The following NOM1 variants were observed in gnomAD, a reference collection of about 807,000 sequenced individuals.
NOM1 encodes the protein nucleolar MIF4G domain-containing protein 1.
Under a neutral mutation model 73.3 loss-of-function variants are expected in NOM1, and 58 were observed. The observed-to-expected ratio is 0.79, with a 90% CI of 0.64 to 0.99. The LOEUF (loss-of-function observed/expected upper bound fraction) is 0.99. Among genes scored for constraint, NOM1 ranks in the 50% least tolerant of loss-of-function variants. The pLI, the probability that NOM1 is intolerant of heterozygous loss-of-function variation, is 0.00. For synonymous variants in NOM1, 487 were observed against 446.8 expected, an observed-to-expected ratio of 1.09 and a Z score of -1.14; for missense variants, 1,226 against 1,131.9, an observed-to-expected ratio of 1.08 and a Z score of -1.19.
Position 156,966,345 on chromosome 7 carries a change from C to A in NOM1, c.2109C>A (p.Tyr703Ter), listed in dbSNP as rs142857972. 5 of 1,614,220 alleles carry A rather than the reference C, an allele frequency of 3.1e-6. No individual in the cohort carries two copies. The highest frequency in any genetic ancestry group is 2.2e-5 in the East Asian group (1 of 44,892). ...LMDCCLQEKT[Y>*]NPFYAFLASK... ...ATTGCTGCCTTCAAGAGAAAACTTA[C>A]AATCCCTTCTATGCTTTCCTGGCTA... is the stretch of plus-strand genomic sequence containing the variant. The change falls in exon 8 of 11, where the codon TAC becomes TAA. Residue 703 changes from tyrosine to a stop codon, truncating the protein, a stop_gained. Coordinates refer to ENST00000275820, the MANE Select transcript of NOM1 (RefSeq NM_138400.2). LOFTEE classifies it high-confidence loss of function.
rs2134802561 is a variant in NOM1 at position 156,969,691 on chromosome 7, C to T, written c.2571C>T (p.Ser857=). ...CGAAGTGTCTGCAAGGAAAAGCTTC[C>T]CTGAGAATGTAGTCAGGGAAGGAAG... ...LATKCLQGKA[S]LRM The change falls in exon 11 of 11, where the codon TCC becomes TCT. Residue 857 remains serine, a synonymous_variant. Coordinates refer to ENST00000275820, the MANE Select transcript of NOM1 (RefSeq NM_138400.2). The T allele has an allele frequency of 1.2e-6, 2 of 1,609,094 alleles. No homozygotes were observed. The highest frequency in any genetic ancestry group is 2.2e-5 in the East Asian group (1 of 44,762).
chr7:156,950,489 T>TA lies in NOM1; in HGVS notation c.753dup (p.Glu252ArgfsTer3). ...GGACAGACACTCCCCGAAAGTGACTTAGAGAGTGACTCCCAGGACGAAAGT... is the reference window on the plus strand; with the variant it reads ...GGACAGACACTCCCCGAAAGTGACTTAAGAGAGTGACTCCCAGGACGAAAGT... On this transcript the variant is annotated frameshift_variant, in exon 1 of 11. Transcript: ENST00000275820. LOFTEE classifies it high-confidence loss of function. 1 of 1,613,524 alleles carries TA rather than the reference T, an allele frequency of 6.2e-7. No homozygotes were observed. The highest frequency in any genetic ancestry group is 8.5e-7 in the Non-Finnish European group (1 of 1,179,824).
At chr7:156,962,021 G>T in intron 4 of NOM1, 130 bp from the exon 5 acceptor site, 1 of 727,212 alleles carries the variant, frequency 1.4e-6, no homozygotes, top group South Asian at 1.6e-5. Flanking sequence ...TCTACCTAAA[G>T]GCTGTCCTGA....
chr7:156,950,342 AC>A lies in NOM1; in HGVS notation c.606del (p.Asp202GlufsTer8), dbSNP rs771116665. The A allele has an allele frequency of 6.2e-7, 1 of 1,613,892 alleles. No homozygotes were observed. Among genetic ancestry groups the A allele is most frequent in the African/African-American group, 1.3e-5 (1 of 74,866 alleles). On this transcript the variant is annotated frameshift_variant, in exon 1 of 11. Coordinates refer to ENST00000275820, the MANE Select transcript of NOM1 (RefSeq NM_138400.2). LOFTEE classifies it high-confidence loss of function. ...CLGLNKRKKK[D>X]GSSSVPLSFA... ...GGTTTGAACAAGCGCAAAAAGAAGG[AC>A]GGCAGCAGCTCCGTGCCGCTGAGCT...
chr7:156,963,276 G>T (rs1422556037), intron 6 of NOM1, 101 bp downstream of exon 6: 4 of 1,245,406 alleles, frequency 3.2e-6, no homozygotes, highest in Non-Finnish European at 4.6e-6. Context: ...TTCTTGAATG[G>T]TCACTGAAAT....
Position 156,966,995 on chromosome 7 carries a change from G to A in NOM1, c.2201G>A (p.Arg734Gln), listed in dbSNP as rs781764928. The A allele has an allele frequency of 5.6e-6, 9 of 1,612,840 alleles. No homozygotes were observed. The highest frequency in any genetic ancestry group is 2.2e-5 in the South Asian group (2 of 90,990). The change falls in exon 9 of 11, where the codon CGG becomes CAG. Residue 734 changes from arginine (R) to glutamine (Q), a missense_variant. Transcript: ENST00000275820. ...TFQFSIWDKF[R>Q]DLENLPATNF... The stretch of plus-strand genomic sequence containing the variant: ...CAGTTCAGCATATGGGACAAATTTC[G>A]GGACTTGGAAAACTTGCCAGCTACG...
In NOM1 at chr7:156,949,758, G is replaced by T; in HGVS notation, c.21G>T (p.Ala7=). Residue 7 remains alanine (A), a synonymous_variant, in exon 1 of 11, where the codon GCG becomes GCT. Transcript: ENST00000275820. MAASRS[A]GEAGPGGSQG... ...GAAAGATGGCGGCGTCCAGGAGCGC[G>T]GGAGAGGCCGGCCCGGGCGGCTCCC... The T allele has an allele frequency of 2.2e-6, 3 of 1,393,350 alleles. No homozygotes were observed. Among genetic ancestry groups the T allele is most frequent in the East Asian group, 2.8e-5 (1 of 35,692 alleles). 86.3% of individuals were successfully genotyped at this position (1,393,350 alleles called of 1,614,324 possible).
chr7:156,953,468 G>A (rs56265074), intron 2 of NOM1, among the ~76,000 whole-genome samples: 40,191 of 151,960 alleles, frequency 0.26, 5,536 homozygotes, highest in East Asian at 0.47. Flanking sequence ...AGTCACCACC[G>A]CTGCAATTGA....
At chr7:156,959,407 T>C (rs962298559) in intron 3 of NOM1, among the ~76,000 whole-genome samples, 15 of 150,972 alleles carry the variant, frequency 9.9e-5, no homozygotes, top group Admixed American at 2.0e-4. Context: ...CTGGCTAATT[T>C]TTTTTTGTAT....
At chr7:156,967,504 C>T (rs2134798807) in intron 9 of NOM1, among the ~76,000 whole-genome samples, 1 of 152,142 alleles carries the variant, frequency 6.6e-6, no homozygotes, top group Non-Finnish European at 1.5e-5. Context: ...TGTTTTGGGA[C>T]TTTGCAGTGG....
At chr7:156,962,522 G>A (rs2134789565) in intron 5 of NOM1, among the ~76,000 whole-genome samples, 1 of 152,314 alleles carries the variant, frequency 6.6e-6, no homozygotes, top group African/African-American at 2.4e-5. Context: ...GCTAAACTTG[G>A]GCTGCACCAT....
At chr7:156,967,492 T>C (rs1284237514) in intron 9 of NOM1, among the ~76,000 whole-genome samples, 1 of 152,210 alleles carries the variant, frequency 6.6e-6, no homozygotes, top group Non-Finnish European at 1.5e-5. Flanking sequence ...CCTGCCCTGC[T>C]GTGTTTTGGG....
rs994091053 is a variant in NOM1, at chr7:156,950,621, A to G, written c.884A>G (p.Lys295Arg). ...ACAGAAGAGGAACAGGGGGAAGAAA[A>G]GGAAAAGGGAGCGCAGGAGAAAAGG... ...EDTEEEQGEE[K>R]EKGAQEKRRG... Residue 295 changes from lysine to arginine, a missense_variant, in exon 1 of 11, where the codon AAG becomes AGG. Coordinates refer to ENST00000275820, the MANE Select transcript of NOM1 (RefSeq NM_138400.2). 3 of 1,562,118 alleles carry G rather than the reference A, an allele frequency of 1.9e-6. No individual in the cohort carries two copies. Among genetic ancestry groups the G allele is most frequent in the Non-Finnish European group, 2.6e-6 (3 of 1,152,626 alleles).
intron 1 of NOM1, among the ~76,000 whole-genome samples, chr7:156,951,143 T>A (rs1417189096): frequency 2.0e-5 from 3 of 152,166 alleles, no homozygotes; most frequent in Non-Finnish European, 4.4e-5. Flanking sequence ...AAGTCCAACA[T>A]TGAATTAAAG....
At chr7:156,955,459 A>G (rs1366714469) in intron 3 of NOM1, among the ~76,000 whole-genome samples, 1 of 137,578 alleles carries the variant, frequency 7.3e-6, no homozygotes, top group African/African-American at 2.8e-5. Context: ...TGCAGTGTTT[A>G]ACCCATTTGG....
intron 3 of NOM1, among the ~76,000 whole-genome samples, chr7:156,954,606 G>T (rs541821828): frequency 3.4e-5 from 5 of 145,182 alleles, no homozygotes; most frequent in South Asian, 4.4e-4. Flanking sequence ...CTGCAGACTC[G>T]AGTGATCCTC....
At chr7:156,964,487 A>T (rs1804947530) in intron 7 of NOM1, among the ~76,000 whole-genome samples, 1 of 152,164 alleles carries the variant, frequency 6.6e-6, no homozygotes, top group Non-Finnish European at 1.5e-5. Context: ...AAGATCCTGT[A>T]ATCCCAGCTA....
intron 9 of NOM1, among the ~76,000 whole-genome samples, chr7:156,967,533 C>CT (rs532358154): frequency 4.1e-5 from 6 of 146,882 alleles, no homozygotes; most frequent in Admixed American, 6.9e-5. Flanking sequence ...ACACAGACAT[C>CT]TTTTTTCTTC....
intron 3 of NOM1, among the ~76,000 whole-genome samples, chr7:156,956,428 A>G (rs1452643818): frequency 1.3e-5 from 2 of 152,216 alleles, no homozygotes; most frequent in African/African-American, 4.8e-5. Flanking sequence ...CTGGCCCACA[A>G]TAAGCGCTCA....
Sources: gnomAD v4.1 joint callset for allele counts (sites outside exome capture counted in the v4.1 genomes callset) on GRCh38, gnomAD v4.1.1 for gene constraint, MANE v1.5 for transcripts, NCBI Gene and HGNC (gene_info 2026-07-23, HGNC 2026-07-21) for gene names.